The following ADGRL2 variants were observed in gnomAD, a reference collection of about 807,000 sequenced individuals.
The protein encoded by ADGRL2 is adhesion G protein-coupled receptor L2.
ADGRL2 carries 44 observed loss-of-function variants against 157.4 expected under a neutral mutation model. That is an observed-to-expected ratio of 0.28 (90% CI 0.22 to 0.36). ADGRL2 has a LOEUF of 0.36. Ranked by LOEUF, ADGRL2 falls within the 10% of genes least tolerant of loss-of-function variation. The probability of loss-of-function intolerance (pLI) is 1.00; values close to 1 mark genes in which losing one functional copy is unlikely to be tolerated. For synonymous variants in ADGRL2, 585 were observed against 624.7 expected, an observed-to-expected ratio of 0.94 and a Z score of 0.95; for missense variants, 1,510 against 1,768.9, an observed-to-expected ratio of 0.85 and a Z score of 2.63.
intron 3 of ADGRL2, among the ~76,000 whole-genome samples, chr1:81,913,368 A>G (rs2094778131): frequency 6.6e-6 from 1 of 152,198 alleles, no homozygotes; most frequent in Admixed American, 6.5e-5. Context: ...CAGTGGATGC[A>G]GAGTGAGACT....
chr1:81,517,021 C>A (rs2079193395), intron 2 of ADGRL2, among the ~76,000 whole-genome samples: 1 of 151,930 alleles, frequency 6.6e-6, no homozygotes, highest in Admixed American at 6.6e-5. Flanking sequence ...ATTTTAAATG[C>A]CTTTAGCCCA....
intron 1 of ADGRL2, among the ~76,000 whole-genome samples, chr1:81,390,837 A>C (rs1158740107): frequency 1.3e-5 from 2 of 152,304 alleles, no homozygotes; most frequent in African/African-American, 4.8e-5. Flanking sequence ...ATGGACATTC[A>C]TTATGTTTTC....
intron 2 of ADGRL2, among the ~76,000 whole-genome samples, chr1:81,473,116 TGAG>T (rs145775508): frequency 0.055 from 8,198 of 149,430 alleles, 468 homozygotes; most frequent in East Asian, 0.14. Context: ...AGAAGGAGGA[TGAG>T]GAGGAGGAGG....
At chr1:81,633,619 A>AAG (rs1553132958) in intron 3 of ADGRL2, among the ~76,000 whole-genome samples, 1 of 151,118 alleles carries the variant, frequency 6.6e-6, no homozygotes, top group Non-Finnish European at 1.5e-5. Flanking sequence ...AAAAAAAAAA[A>AAG]AGAGAACCAC....
intron 2 of ADGRL2, among the ~76,000 whole-genome samples, chr1:81,853,255 A>G (rs1432142903): frequency 1.3e-5 from 2 of 152,170 alleles, no homozygotes; most frequent in African/African-American, 4.8e-5. Context: ...TGCCAGGAAT[A>G]GTTTTATTTG....
intron 3 of ADGRL2, among the ~76,000 whole-genome samples, chr1:81,601,657 G>A (rs911904531): frequency 6.6e-6 from 1 of 152,162 alleles, no homozygotes; most frequent in Non-Finnish European, 1.5e-5. Flanking sequence ...CACAAGGAAA[G>A]CCCCCAAAAT....
chr1:81,334,301 T>C (rs755125664), intron 1 of ADGRL2, among the ~76,000 whole-genome samples: 3 of 152,178 alleles, frequency 2.0e-5, no homozygotes, highest in Non-Finnish European at 2.9e-5. Flanking sequence ...GAACATAAAT[T>C]CAATAATGTG....
chr1:81,389,704 T>A (rs976437082), intron 1 of ADGRL2, among the ~76,000 whole-genome samples: 3 of 152,148 alleles, frequency 2.0e-5, no homozygotes, highest in Non-Finnish European at 4.4e-5. Flanking sequence ...CTAATACCAC[T>A]AAGTAACTGC....
chr1:81,645,771 G>A (rs890276840), intron 3 of ADGRL2, among the ~76,000 whole-genome samples: 1 of 152,020 alleles, frequency 6.6e-6, no homozygotes, highest in East Asian at 1.9e-4. Flanking sequence ...TGGACATTTA[G>A]GTGGTTTCTT....
intron 1 of ADGRL2, among the ~76,000 whole-genome samples, chr1:81,437,314 C>T (rs185368476): frequency 2.6e-5 from 4 of 152,216 alleles, no homozygotes; most frequent in Admixed American, 2.6e-4. Context: ...TTTTTTTACA[C>T]TAGGCAAACA....
chr1:81,459,751 CAT>C (rs945094907), intron 2 of ADGRL2, among the ~76,000 whole-genome samples: 13 of 150,362 alleles, frequency 8.6e-5, no homozygotes, highest in African/African-American at 2.0e-4. Context: ...TATACACACA[CAT>C]ATATATATCC....
intron 1 of ADGRL2, among the ~76,000 whole-genome samples, chr1:81,384,098 A>G (rs2076394185): frequency 6.6e-6 from 1 of 152,202 alleles, no homozygotes; most frequent in Non-Finnish European, 1.5e-5. Context: ...GCTTTTCTGT[A>G]GATGTGCAAA....
rs143907432 is a variant in ADGRL2, at chr1:81,652,861, G to C, written c.-143+71881G>C. On this transcript the variant is annotated intron_variant, in intron 3 of 24. Coordinates refer to the ADGRL2 transcript ENST00000370721. ...TTAATGGACATCCTTGAATAATATGGCTTAGTTTTGCCAGTTTTGAATGTT... is the reference window on the plus strand; with the variant it reads ...TTAATGGACATCCTTGAATAATATGCCTTAGTTTTGCCAGTTTTGAATGTT... Among the ~76,000 whole-genome samples the C allele has an allele frequency of 5.8e-4, 88 of 152,180 alleles. 3 individuals are homozygous for C. In the East Asian group the frequency reaches 0.013, roughly 23 times the overall value.
chr1:81,412,574 A>G (rs962489019), intron 1 of ADGRL2, among the ~76,000 whole-genome samples: 1 of 152,114 alleles, frequency 6.6e-6, no homozygotes, highest in African/African-American at 2.4e-5. Context: ...CTTGGACTCT[A>G]AGCTCGCTGG....
At chr1:81,412,147 C>A (rs1404494738) in intron 1 of ADGRL2, among the ~76,000 whole-genome samples, 2 of 152,132 alleles carry the variant, frequency 1.3e-5, no homozygotes, top group African/African-American at 4.8e-5. Context: ...GAAAGGGAAA[C>A]TGATGCAGAG....
intron 2 of ADGRL2, among the ~76,000 whole-genome samples, chr1:81,505,704 C>A (rs2078958200): frequency 7.1e-6 from 1 of 141,198 alleles, no homozygotes; most frequent in Non-Finnish European, 1.5e-5. Context: ...ACATGGGTAG[C>A]CTAGGCAGTG....
intron 3 of ADGRL2, among the ~76,000 whole-genome samples, chr1:81,932,309 A>G (rs772325595): frequency 4.3e-4 from 65 of 152,320 alleles, no homozygotes; most frequent in Non-Finnish European, 7.9e-4. Flanking sequence ...ACTTATTTCA[A>G]TTCTCCATGT....
chr1:81,350,847 GT>G (rs1220339803), intron 1 of ADGRL2, among the ~76,000 whole-genome samples: 4 of 152,106 alleles, frequency 2.6e-5, no homozygotes, highest in African/African-American at 9.7e-5. Flanking sequence ...AATAGCATGG[GT>G]TTTATATTAG....
intron 3 of ADGRL2, among the ~76,000 whole-genome samples, chr1:81,606,421 C>T (rs2081432197): frequency 6.6e-6 from 1 of 152,060 alleles, no homozygotes; most frequent in South Asian, 2.1e-4. Context: ...ACACCTGAAA[C>T]AACTTTTAAA....
Sources: gnomAD v4.1 joint callset for allele counts (sites outside exome capture counted in the v4.1 genomes callset) on GRCh38, gnomAD v4.1.1 for gene constraint, MANE v1.5 for transcripts, NCBI Gene and HGNC (gene_info 2026-07-23, HGNC 2026-07-21) for gene names.